Variants in PLOD1 observed in about 807,000 individuals in gnomAD.
PLOD1 encodes the protein procollagen-lysine,2-oxoglutarate 5-dioxygenase 1.
PLOD1 carries 70 observed loss-of-function variants against 94.7 expected under a neutral mutation model. The observed-to-expected ratio is 0.74, with a 90% CI of 0.61 to 0.90. The LOEUF is 0.90. Among genes scored for constraint, PLOD1 ranks in the 40% least tolerant of loss-of-function variants. The pLI is 0.00. For synonymous variants in PLOD1, 417 were observed against 400.2 expected (o/e 1.04, Z -0.50); for missense variants, 905 against 972.7 (o/e 0.93, Z 0.93).
chr1:11,940,808 A>G (rs1192002018), intron 1 of PLOD1, among the ~76,000 whole-genome samples: 1 of 152,152 alleles, frequency 6.6e-6, no homozygotes, highest in East Asian at 1.9e-4. Flanking sequence ...TTCCACATCC[A>G]TGCCTTAAGG....
At chr1:11,947,916 TCCTCCCTGTCA>T in intron 1 of PLOD1, 49 bp from the exon 2 acceptor site, 1 of 1,092,162 alleles carries the variant, frequency 9.2e-7, no homozygotes, top group Non-Finnish European at 1.4e-6. Flanking sequence ...AACAAAGACC[TCCTCCCTGTCA>T]CCTCCCTCAT....
In PLOD1 at chr1:11,958,355, C is replaced by A. The variant is rs1281597059; in HGVS notation, c.844-161C>A. ...GGGCACCCTCCTGCTGCTTCCCTGCCCCCCCGTACCCCCTGACTGGAGTTC... is the reference window on the plus strand; with the variant it reads ...GGGCACCCTCCTGCTGCTTCCCTGCACCCCCGTACCCCCTGACTGGAGTTC... On this transcript the variant is annotated intron_variant, in intron 8 of 18. Transcript: ENST00000196061. This position sits in a 1 kb window ranked among gnomAD's most constrained non-coding sequence, Gnocchi z 4.3. 2.0e-5 allele frequency among the ~76,000 whole-genome samples: 3 copies of A among 152,044 alleles called. No homozygotes were observed. The highest frequency in any genetic ancestry group is 6.5e-5 in the Admixed American group (1 of 15,276).
chr1:11,955,256 G>C (rs117097179), intron 6 of PLOD1, among the ~76,000 whole-genome samples: 1 of 152,362 alleles, frequency 6.6e-6, no homozygotes, highest in East Asian at 1.9e-4. Context: ...AACTCAGCTG[G>C]TGGGACAGGC....
chr1:11,935,335 G>A (rs1056078576), intron 1 of PLOD1, among the ~76,000 whole-genome samples: 5 of 152,088 alleles, frequency 3.3e-5, no homozygotes, highest in African/African-American at 1.2e-4. Flanking sequence ...GAGCCAGGAG[G>A]CCTCATGACC....
intron 10 of PLOD1, 86 bp downstream of exon 10, chr1:11,960,853 G>T: frequency 6.3e-7 from 1 of 1,586,490 alleles, no homozygotes. Flanking sequence ...TGAGTGACAG[G>T]AGTTCAGAAG....
At position 11,972,669 on chromosome 1, in the gene PLOD1, C is replaced by T; in HGVS notation, c.1903-203C>T. Reference sequence around the variant, plus strand: ...TGTTCTCTTCCTTCCCTCCCTCTCTCCCCTCTGTCCATACATTTTTGTTGA... The same window carrying T: ...TGTTCTCTTCCTTCCCTCCCTCTCTTCCCTCTGTCCATACATTTTTGTTGA... On this transcript the variant is annotated intron_variant, in intron 17 of 18. Transcript: ENST00000196061. This position sits in a 1 kb window ranked among gnomAD's most constrained non-coding sequence, Gnocchi z 4.6. 3 of 522,172 alleles carry T rather than the reference C, an allele frequency of 5.7e-6. 1 individual carries two copies. The highest frequency in any genetic ancestry group is 4.1e-5 in the South Asian group (2 of 49,240). The allele number at this position is 522,172 out of a possible 1,614,324, so 32.3% of individuals were successfully genotyped here.
intron 3 of PLOD1, 143 bp downstream of exon 3, chr1:11,950,049 C>T: frequency 1.1e-6 from 1 of 899,682 alleles, no homozygotes; most frequent in South Asian, 1.3e-5. Context: ...CATTCCCGGT[C>T]TTAGTAAAGC....
At chr1:11,965,353 A>G (rs1368913685) in intron 13 of PLOD1, 127 bp from the exon 14 acceptor site, 37 of 678,476 alleles carry the variant, frequency 5.5e-5, no homozygotes, top group Non-Finnish European at 1.3e-5. Context: ...TTGGTCTCTG[A>G]TATTGGGAAC....
intron 12 of PLOD1, among the ~76,000 whole-genome samples, 158 bp downstream of exon 12, chr1:11,964,458 C>G (rs570518736): frequency 6.6e-6 from 1 of 152,246 alleles, no homozygotes; most frequent in Admixed American, 6.5e-5. Flanking sequence ...AGAAGGACTT[C>G]CTGACAAATA....
intron 9 of PLOD1, among the ~76,000 whole-genome samples, chr1:11,960,367 G>C (rs770795542): frequency 6.6e-6 from 1 of 152,216 alleles, no homozygotes; most frequent in African/African-American, 2.4e-5. Context: ...AATGTCTCTG[G>C]ATGTGGGATC....
rs752659799 is a variant in PLOD1, at chr1:11,970,663, C to G, written c.1756-7C>G. On this transcript the variant is annotated splice_polypyrimidine_tract_variant and splice_region_variant and intron_variant, in intron 16 of 18. Coordinates refer to ENST00000196061, the MANE Select transcript of PLOD1 (RefSeq NM_000302.4). The stretch of plus-strand genomic sequence containing the variant: ...TCTGCCTAAACATTCACCTCGGTCA[C>G]CTCCAGGACAACCGCATCCAGGGTG... 1 of 1,613,060 alleles carries G rather than the reference C, an allele frequency of 6.2e-7. No homozygotes were observed. The highest frequency in any genetic ancestry group is 1.1e-5 in the South Asian group (1 of 91,050).
chr1:11,968,999 A>G (rs1645842279), intron 16 of PLOD1, among the ~76,000 whole-genome samples: 1 of 149,250 alleles, frequency 6.7e-6, no homozygotes, highest in African/African-American at 2.5e-5. Flanking sequence ...CTGGGATTAC[A>G]GGTGCTGGCC....
Position 11,950,396 on chromosome 1 carries a change from G to T in PLOD1, c.342G>T (p.Leu114=). The T allele has an allele frequency of 6.2e-7, 1 of 1,614,176 alleles. No individual in the cohort carries two copies. The highest frequency in any genetic ancestry group is 1.1e-5 in the South Asian group (1 of 91,086). The change falls in exon 4 of 19, where the codon CTG becomes CTT. Residue 114 remains leucine (L), a synonymous_variant. Coordinates refer to ENST00000196061, the MANE Select transcript of PLOD1 (RefSeq NM_000302.4). ...TTGCATCGGGGCCCCGGGAGCTCCT[G>T]AAGAAGTTCCGGCAGGCCAGGAGCC... ...VLFASGPREL[L]KKFRQARSQV... is the part of the protein sequence containing the mutation.
intron 2 of PLOD1, among the ~76,000 whole-genome samples, 153 bp from the exon 3 acceptor site, chr1:11,949,620 A>G (rs536775424): frequency 2.0e-5 from 3 of 152,212 alleles, no homozygotes; most frequent in South Asian, 4.1e-4. Flanking sequence ...GGGTTTCGCC[A>G]TGTTGGCCAG....
chr1:11,960,252 G>A (rs952718394), intron 9 of PLOD1, among the ~76,000 whole-genome samples: 4 of 152,216 alleles, frequency 2.6e-5, no homozygotes, highest in African/African-American at 9.6e-5. Flanking sequence ...ATACAGGCGT[G>A]AGCCACTGTG....
At chr1:11,937,983 C>T (rs1357352336) in intron 1 of PLOD1, among the ~76,000 whole-genome samples, 12 of 143,772 alleles carry the variant, frequency 8.3e-5, no homozygotes, top group South Asian at 2.2e-4. Flanking sequence ...GACAGAGTCT[C>T]GCTTTGTCGC....
At chr1:11,968,872 C>T (rs1399637545) in intron 16 of PLOD1, among the ~76,000 whole-genome samples, 3 of 147,910 alleles carry the variant, frequency 2.0e-5, no homozygotes, top group Admixed American at 6.8e-5. Context: ...AGTGGAGCCT[C>T]GCTCTGTCGC....
rs1645896318 is a variant in PLOD1, at chr1:11,975,292, G to C, written c.*484G>C. 4.0e-6 allele frequency: 1 copy of C among 250,378 alleles called. No homozygotes were observed. Among genetic ancestry groups the C allele is most frequent in the Admixed American group, 5.0e-5 (1 of 19,984 alleles). The allele number at this position is 250,378 out of a possible 1,614,324, so 15.5% of individuals were successfully genotyped here. A position where few individuals can be genotyped will look rare whatever the true frequency, so the allele number is the denominator to read the frequency against. ...TGGATCAGACTCCAAGGGCTGCCCTGAGTCTGGGACTTCTGCCTCCATGGC... is the reference window on the plus strand; with the variant it reads ...TGGATCAGACTCCAAGGGCTGCCCTCAGTCTGGGACTTCTGCCTCCATGGC... On this transcript the variant is annotated 3_prime_UTR_variant, in exon 19 of 19. Transcript: ENST00000196061.
intron 4 of PLOD1, among the ~76,000 whole-genome samples, chr1:11,952,308 G>GC (rs1645708718): frequency 6.6e-6 from 1 of 152,236 alleles, no homozygotes; most frequent in South Asian, 2.1e-4. Context: ...TCCCAGCCCT[G>GC]CTCTCCAGGG....
Sources: allele counts gnomAD v4.1 joint callset (sites outside exome capture counted in the v4.1 genomes callset), GRCh38; gene constraint gnomAD v4.1.1; non-coding constraint Gnocchi (gnomAD v3.1); transcripts MANE v1.5; gene names NCBI Gene and HGNC (gene_info 2026-07-23, HGNC 2026-07-21).